The following SLC24A2 variants were observed in gnomAD, a reference collection of about 807,000 sequenced individuals.
SLC24A2 encodes sodium/potassium/calcium exchanger 2.
In SLC24A2, 36 loss-of-function variants were observed where a neutral mutation model predicts 62.0. The observed-to-expected ratio is 0.58, with a 90% CI of 0.44 to 0.77. The LOEUF (loss-of-function observed/expected upper bound fraction) is 0.77, where lower values mean the gene tolerates loss of function less well. Among genes scored for constraint, SLC24A2 ranks in the 30% least tolerant of loss-of-function variants. The probability of loss-of-function intolerance (pLI) is 0.00; values close to 1 mark genes in which losing one functional copy is unlikely to be tolerated. For synonymous variants in SLC24A2, 358 were observed against 294.0 expected, an observed-to-expected ratio of 1.22 and a Z score of -2.23; for missense variants, 846 against 817.9, an observed-to-expected ratio of 1.03 and a Z score of -0.42.
the SLC24A2 span, among the ~76,000 whole-genome samples, chr9:20,163,991 T>A: frequency 6.6e-6 from 1 of 152,142 alleles, no homozygotes; most frequent in African/African-American, 2.4e-5. Context: ...TCAAGATGGA[T>A]TAAAGACTTA....
At position 19,573,947 on chromosome 9, in the gene SLC24A2, G is replaced by A. The variant is rs190948877; in HGVS notation, c.1229-478C>T. On this transcript the variant is annotated intron_variant, in intron 6 of 10. Transcript: ENST00000341998. ...TCAGATATTTTCTTACAGTAATATC[G>A]TTTCTTTGATACTGTACTCTGGAAA... Among the ~76,000 whole-genome samples the A allele has an allele frequency of 2.5e-4, 38 of 152,244 alleles. No homozygotes were observed. In the East Asian group the frequency reaches 2.7e-3, roughly 11 times the overall value.
chr9:19,808,496 C>T, the SLC24A2 span, among the ~76,000 whole-genome samples: 3 of 152,076 alleles, frequency 2.0e-5, no homozygotes, highest in African/African-American at 7.2e-5. This position sits in a 1 kb window ranked among gnomAD's most constrained non-coding sequence, Gnocchi z 4.1. Flanking sequence ...CCGTCCAAAC[C>T]CAAAGAATGG....
chr9:20,119,749 C>G, the SLC24A2 span, among the ~76,000 whole-genome samples: 1 of 152,116 alleles, frequency 6.6e-6, no homozygotes, highest in Non-Finnish European at 1.5e-5. Flanking sequence ...CAGGAGTTCC[C>G]ATACAGTGCA....
chr9:19,651,003 C>A (rs1291554705), intron 2 of SLC24A2, among the ~76,000 whole-genome samples: 1 of 152,120 alleles, frequency 6.6e-6, no homozygotes, highest in African/African-American at 2.4e-5. Flanking sequence ...GACATCTATA[C>A]TCCTCACAGA....
At chr9:20,026,255 G>A in the SLC24A2 span, among the ~76,000 whole-genome samples, 5 of 152,162 alleles carry the variant, frequency 3.3e-5, no homozygotes, top group Non-Finnish European at 5.9e-5. Context: ...GGATAGCACA[G>A]GCCCCATTTA....
At chr9:19,951,687 C>G in the SLC24A2 span, among the ~76,000 whole-genome samples, 1 of 152,054 alleles carries the variant, frequency 6.6e-6, no homozygotes, top group Non-Finnish European at 1.5e-5. Context: ...TTCTGTTCCA[C>G]TGATTTTTAT....
chr9:20,143,189 A>G, the SLC24A2 span, among the ~76,000 whole-genome samples: 26 of 152,172 alleles, frequency 1.7e-4, no homozygotes, highest in Non-Finnish European at 3.1e-4. Context: ...AGGTGGGAAA[A>G]GAGAGTGCCC....
chr9:20,018,280 C>G, the SLC24A2 span, among the ~76,000 whole-genome samples: 8 of 152,308 alleles, frequency 5.3e-5, no homozygotes, highest in East Asian at 1.5e-3. Context: ...CAAGTTGACA[C>G]TCAATATTAA....
intron 2 of SLC24A2, among the ~76,000 whole-genome samples, chr9:19,732,023 T>G (rs928587793): frequency 6.6e-6 from 1 of 152,160 alleles, no homozygotes; most frequent in African/African-American, 2.4e-5. Flanking sequence ...TGAGATTGGG[T>G]TGGCACATGG....
At chr9:19,546,207 C>G (rs1474072568) in intron 8 of SLC24A2, among the ~76,000 whole-genome samples, 1 of 152,226 alleles carries the variant, frequency 6.6e-6, no homozygotes, top group African/African-American at 2.4e-5. Context: ...AGGAGGCAGT[C>G]TGATCCTTAG....
the SLC24A2 span, among the ~76,000 whole-genome samples, chr9:20,236,866 T>C: frequency 6.6e-6 from 1 of 151,924 alleles, no homozygotes; most frequent in African/African-American, 2.4e-5. Flanking sequence ...ATCTGAAAGG[T>C]ATGTGCCTGT....
intron 2 of SLC24A2, among the ~76,000 whole-genome samples, chr9:19,739,227 T>C (rs1203087748): frequency 1.3e-5 from 2 of 152,220 alleles, no homozygotes; most frequent in Non-Finnish European, 2.9e-5. Context: ...AATGGAAATA[T>C]ACAAAATGCT....
the SLC24A2 span, among the ~76,000 whole-genome samples, chr9:20,174,613 C>T: frequency 6.6e-6 from 1 of 152,068 alleles, no homozygotes; most frequent in Non-Finnish European, 1.5e-5. Context: ...CTCAACATCA[C>T]TAATGATCCA....
chr9:19,830,809 C>A, the SLC24A2 span, among the ~76,000 whole-genome samples: 5 of 152,290 alleles, frequency 3.3e-5, no homozygotes, highest in South Asian at 1.0e-3. Context: ...GTATGCCTGA[C>A]TGTCTTAGTC....
At chr9:20,047,822 G>C in the SLC24A2 span, among the ~76,000 whole-genome samples, 1 of 151,532 alleles carries the variant, frequency 6.6e-6, no homozygotes, top group African/African-American at 2.4e-5. Context: ...TTTAACATGA[G>C]TTTTGGGGAG....
chr9:19,687,573 A>G (rs770605102), intron 2 of SLC24A2, among the ~76,000 whole-genome samples: 2 of 152,084 alleles, frequency 1.3e-5, no homozygotes, highest in Non-Finnish European at 2.9e-5. Context: ...ACATTGTACC[A>G]ATGTGTTCCA....
the SLC24A2 span, among the ~76,000 whole-genome samples, chr9:20,060,178 A>G: frequency 2.6e-5 from 4 of 152,152 alleles, no homozygotes; most frequent in Non-Finnish European, 5.9e-5. Context: ...CCACTTAACA[A>G]AAAAGAGCTC....
the SLC24A2 span, among the ~76,000 whole-genome samples, chr9:20,115,312 G>C: frequency 2.0e-5 from 3 of 152,128 alleles, no homozygotes; most frequent in African/African-American, 4.8e-5. Context: ...ATCTTCCCTG[G>C]TTAATGGAGA....
chr9:20,269,449 T>G, the SLC24A2 span, among the ~76,000 whole-genome samples: 1 of 152,180 alleles, frequency 6.6e-6, no homozygotes, highest in African/African-American at 2.4e-5. Context: ...TTCCTTTCAT[T>G]TCTCTGTTCT....
Sources: gnomAD v4.1 joint callset for allele counts (sites outside exome capture counted in the v4.1 genomes callset) on GRCh38, gnomAD v4.1.1 for gene constraint, Gnocchi (gnomAD v3.1) non-coding constraint, MANE v1.5 for transcripts, NCBI Gene and HGNC (gene_info 2026-07-23, HGNC 2026-07-21) for gene names.